The following THOC1 variants were observed in gnomAD, a reference collection of about 807,000 sequenced individuals.
The protein encoded by THOC1 is THO complex 1.
A neutral mutation model predicts 97.3 loss-of-function variants in THOC1; 29 were observed. The observed-to-expected ratio is 0.30, with a 90% CI of 0.22 to 0.41. The LOEUF is 0.41. Among genes scored for constraint, THOC1 ranks in the 10% least tolerant of loss-of-function variants. The pLI is 1.00. For synonymous variants in THOC1, 255 were observed against 257.0 expected (o/e 0.99, Z 0.07); for missense variants, 529 against 761.9 (o/e 0.69, Z 3.60).
At chr18:261,701 C>T in intron 4 of THOC1, among the ~76,000 whole-genome samples, 1 of 152,232 alleles carries the variant, frequency 6.6e-6, no homozygotes, top group Admixed American at 6.5e-5. Context: ...ATACCCTGCA[C>T]ATCCAAGAGA....
intron 11 of THOC1, among the ~76,000 whole-genome samples, chr18:236,529 T>C (rs941285933): frequency 2.6e-5 from 4 of 151,706 alleles, no homozygotes; most frequent in African/African-American, 9.7e-5. Context: ...GCTAATTTTT[T>C]TTTTTTTGTA....
At chr18:224,578 CA>C (rs11339735) in intron 15 of THOC1, among the ~76,000 whole-genome samples, 78,820 of 125,796 alleles carry the variant, frequency 0.63, 21,915 homozygotes, top group South Asian at 0.75. Flanking sequence ...GACTCCCTCT[CA>C]AAAAAAAAAA....
chr18:236,488 TG>T (rs200028753), intron 11 of THOC1, among the ~76,000 whole-genome samples: 36 of 84,586 alleles, frequency 4.3e-4, no homozygotes, highest in Admixed American at 9.1e-4. Context: ...CCCGAGTAGC[TG>T]GGAACTACAG....
At chr18:224,516 C>T (rs1911206740) in intron 15 of THOC1, among the ~76,000 whole-genome samples, 1 of 150,526 alleles carries the variant, frequency 6.6e-6, no homozygotes, top group African/African-American at 2.5e-5. Flanking sequence ...GAGGCGGAGG[C>T]TGCGGTGAGC....
chr18:225,479 G>T, intron 12 of THOC1, 76 bp from the exon 13 acceptor site: 2 of 1,198,380 alleles, frequency 1.7e-6, no homozygotes, highest in Non-Finnish European at 2.4e-6. Flanking sequence ...AAAACACAAG[G>T]CATGTAACAT....
chr18:238,948 C>G (rs986142586), intron 11 of THOC1, among the ~76,000 whole-genome samples: 1 of 152,078 alleles, frequency 6.6e-6, no homozygotes, highest in Admixed American at 6.5e-5. Flanking sequence ...AAAAAAGATA[C>G]AAATATAGAA....
At chr18:267,880 C>G in intron 1 of THOC1, 86 bp downstream of exon 1, 10 of 1,425,092 alleles carry the variant, frequency 7.0e-6, no homozygotes, top group African/African-American at 1.4e-5. Flanking sequence ...CTCACTTTAC[C>G]CCAGGGCAAA....
At chr18:259,079 C>T in intron 7 of THOC1, 101 bp downstream of exon 7, 1 of 888,322 alleles carries the variant, frequency 1.1e-6, no homozygotes, top group Non-Finnish European at 1.7e-6. Flanking sequence ...TGTCTTTCAA[C>T]TTTTTAGAAC....
intron 11 of THOC1, among the ~76,000 whole-genome samples, chr18:230,928 A>C (rs1465888939): frequency 1.3e-5 from 2 of 152,142 alleles, no homozygotes; most frequent in Non-Finnish European, 2.9e-5. Flanking sequence ...TTTTTTGTAG[A>C]GACAGAGTCT....
intron 12 of THOC1, chr18:225,838 A>G (rs1911264322): frequency 6.3e-6 from 1 of 157,612 alleles, no homozygotes; most frequent in Non-Finnish European, 1.4e-5. Flanking sequence ...CCAAATTGTT[A>G]ATAGCTGCCA....
At chr18:225,229 C>A in intron 13 of THOC1, 90 bp from the exon 14 acceptor site, 2 of 1,527,304 alleles carry the variant, frequency 1.3e-6, no homozygotes, top group South Asian at 1.2e-5. Context: ...TGTTTGTGGT[C>A]TTGTACCTGA....
intron 1 of THOC1, 37 bp downstream of exon 1, chr18:267,929 G>C: frequency 6.3e-7 from 1 of 1,581,542 alleles, no homozygotes; most frequent in Non-Finnish European, 8.6e-7. Context: ...AAAGCATAGC[G>C]CCGGGTCAGG....
chr18:265,327 G>C lies in THOC1; in HGVS notation c.165C>G (p.Phe55Leu), dbSNP rs376345000. The change falls in exon 3 of 21, where the codon TTC becomes TTG. Residue 55 changes from phenylalanine to leucine, a missense_variant. Phe to Leu is a conservative substitution (Grantham distance 22). Transcript: ENST00000261600. The stretch of plus-strand genomic sequence containing the variant: ...CAATTTCTTCTTCTAGAATACCTCT[G>C]AAAGCTTGGTCAAGGGTACATTTTT... ...NEKKCTLDQA[F>L]RGILEEEIIN... The C allele has an allele frequency of 1.2e-6, 2 of 1,601,830 alleles. No individual in the cohort carries two copies. Among genetic ancestry groups the C allele is most frequent in the African/African-American group, 2.7e-5 (2 of 74,298 alleles).
intron 7 of THOC1, among the ~76,000 whole-genome samples, chr18:257,460 G>C (rs966446508): frequency 6.6e-6 from 1 of 152,156 alleles, no homozygotes; most frequent in Non-Finnish European, 1.5e-5. Context: ...GGTATCAGTA[G>C]AATCTCATAT....
At chr18:260,006 T>C in intron 5 of THOC1, 180 bp downstream of exon 5, 1 of 526,792 alleles carries the variant, frequency 1.9e-6, no homozygotes, top group South Asian at 3.7e-5. Context: ...TATTTCAAGT[T>C]TTTCTCCACA....
chr18:262,347 A>G (rs1567858034), intron 4 of THOC1, among the ~76,000 whole-genome samples: 1 of 152,260 alleles, frequency 6.6e-6, no homozygotes, highest in African/African-American at 2.4e-5. Context: ...CTCAATAAAT[A>G]TCGGCCAAAT....
intron 19 of THOC1, 119 bp downstream of exon 19, chr18:216,367 G>GGGA (rs1161905674): frequency 2.8e-6 from 3 of 1,085,294 alleles, no homozygotes; most frequent in African/African-American, 3.2e-5. Context: ...TCTAAAACAT[G>GGGA]GGAGCTTGTG....
intron 19 of THOC1, 45 bp downstream of exon 19, chr18:216,441 A>C: frequency 1.3e-6 from 2 of 1,577,712 alleles, no homozygotes; most frequent in Non-Finnish European, 1.7e-6. Context: ...AATTTTAAAG[A>C]AGATGTCAAC....
intron 11 of THOC1, among the ~76,000 whole-genome samples, chr18:230,566 A>G (rs548888478): frequency 2.6e-5 from 4 of 152,362 alleles, no homozygotes; most frequent in African/African-American, 9.6e-5. Flanking sequence ...TAGGTCCAGA[A>G]AAGTTAAAAC....
Sources: allele counts gnomAD v4.1 joint callset (sites outside exome capture counted in the v4.1 genomes callset), GRCh38; gene constraint gnomAD v4.1.1; transcripts MANE v1.5; gene names NCBI Gene and HGNC (gene_info 2026-07-23, HGNC 2026-07-21).